The following FAM169A variants were observed in gnomAD, a reference collection of about 807,000 sequenced individuals.
FAM169A encodes soluble lamin-associated protein of 75 kDa.
FAM169A carries 24 observed loss-of-function variants against 75.7 expected under a neutral mutation model. The ratio of observed to expected loss-of-function variants is 0.32; its 90% confidence interval spans 0.23 to 0.45. The LOEUF (loss-of-function observed/expected upper bound fraction) is 0.45, where lower values mean the gene tolerates loss of function less well. Ranked by LOEUF, FAM169A falls within the 20% of genes least tolerant of loss-of-function variation. The pLI, the probability that FAM169A is intolerant of heterozygous loss-of-function variation, is 1.00. For missense variants in FAM169A, 673 were observed against 784.0 expected, an observed-to-expected ratio of 0.86 and a Z score of 1.69; for synonymous variants, 271 against 271.0, an observed-to-expected ratio of 1.00 and a Z score of 0.00.
intron 1 of FAM169A, among the ~76,000 whole-genome samples, chr5:74,856,558 C>T (rs1403418997): frequency 2.6e-5 from 4 of 151,822 alleles, no homozygotes; most frequent in Admixed American, 2.6e-4. Flanking sequence ...TAATGAGTTA[C>T]TCCAAAATAG....
At position 74,799,188 on chromosome 5, in the gene FAM169A, C is replaced by A; in HGVS notation, c.1103+1692G>T. On this transcript the variant is annotated intron_variant, in intron 10 of 12. Transcript: ENST00000687041. ...ATATTGACTGGGCTCCCAAGCATGA[C>A]CACATCGTCACTTGTGGGGCAGACC... 11 of 1,197,574 alleles carry A rather than the reference C, an allele frequency of 9.2e-6. No homozygotes were observed. In the Admixed American group the frequency reaches 1.8e-4, roughly 20 times the overall value. The allele number at this position is 1,197,574 out of a possible 1,614,324, so 74.2% of individuals were successfully genotyped here. A position where few individuals can be genotyped will look rare whatever the true frequency, so the allele number is the denominator to read the frequency against.
chr5:74,812,515 A>T (rs1278652572), intron 6 of FAM169A, among the ~76,000 whole-genome samples: 1 of 151,980 alleles, frequency 6.6e-6, no homozygotes, highest in Non-Finnish European at 1.5e-5. Flanking sequence ...CCTGGACTCA[A>T]GCAGTCCTCC....
intron 11 of FAM169A, among the ~76,000 whole-genome samples, chr5:74,788,947 C>T (rs866005152): frequency 7.9e-5 from 12 of 152,324 alleles, no homozygotes; most frequent in Middle Eastern, 3.4e-3. Context: ...GGTTTCATTG[C>T]TTGAGGAAAT....
At chr5:74,849,965 A>T (rs561500177) in intron 1 of FAM169A, among the ~76,000 whole-genome samples, 3 of 152,360 alleles carry the variant, frequency 2.0e-5, no homozygotes, top group East Asian at 3.9e-4. Flanking sequence ...TAAATTAGGT[A>T]ATAGAGCAGG....
chr5:74,846,750 A>G (rs1229468877), intron 1 of FAM169A, among the ~76,000 whole-genome samples: 1 of 152,082 alleles, frequency 6.6e-6, no homozygotes, highest in Non-Finnish European at 1.5e-5. Flanking sequence ...TTTTATAGAG[A>G]TGAGGTCTCC....
chr5:74,851,983 CAT>C (rs984497868), intron 1 of FAM169A, among the ~76,000 whole-genome samples: 1 of 152,096 alleles, frequency 6.6e-6, no homozygotes, highest in African/African-American at 2.4e-5. Flanking sequence ...ATATTTTTAA[CAT>C]AAAATATCAC....
intron 6 of FAM169A, among the ~76,000 whole-genome samples, chr5:74,810,631 T>C (rs1429663724): frequency 1.3e-5 from 2 of 150,634 alleles, no homozygotes; most frequent in East Asian, 4.0e-4. Context: ...GCACCTGTAG[T>C]CCCAGCTACT....
chr5:74,794,458 G>A (rs965904839), intron 11 of FAM169A, among the ~76,000 whole-genome samples: 5 of 150,668 alleles, frequency 3.3e-5, no homozygotes, highest in African/African-American at 1.2e-4. Flanking sequence ...CGGGTATGGT[G>A]GGTCATGCCT....
In FAM169A at chr5:74,779,164, CAAGAAT is replaced by C. The variant is rs1303691934; in HGVS notation, c.*2290_*2295del. The C allele has an allele frequency of 6.6e-6, 1 of 152,026 alleles. No individual in the cohort carries two copies. The highest frequency in any genetic ancestry group is 1.5e-5 in the Non-Finnish European group (1 of 67,954). The allele number at this position is 152,026 out of a possible 1,614,324, so 9.4% of individuals were successfully genotyped here. On this transcript the variant is annotated 3_prime_UTR_variant, in exon 13 of 13. Coordinates refer to ENST00000687041, the MANE Select transcript of FAM169A (RefSeq NM_001376049.1). ...TACTATTTAACCCAAACAAGTTTAA[CAAGAAT>C]AAGTTTATACTGTTAGCCCCCAATG...
chr5:74,796,279 C>A, intron 10 of FAM169A, 93 bp from the exon 11 acceptor site: 1 of 1,158,492 alleles, frequency 8.6e-7, no homozygotes, highest in South Asian at 1.6e-5. Flanking sequence ...TTTAGAGAAT[C>A]AACTATGTTG....
At chr5:74,805,976 C>CAAAAAAAA (rs370761667) in intron 6 of FAM169A, among the ~76,000 whole-genome samples, 7 of 85,240 alleles carry the variant, frequency 8.2e-5, no homozygotes, top group African/African-American at 1.3e-4. Flanking sequence ...TTAAAAGCTC[C>CAAAAAAAA]AAAAAAAAAA....
At chr5:74,855,927 A>G (rs1749683542) in intron 1 of FAM169A, among the ~76,000 whole-genome samples, 1 of 152,184 alleles carries the variant, frequency 6.6e-6, no homozygotes. Flanking sequence ...CTTAGATTTC[A>G]GTTTTTAATC....
At chr5:74,812,182 A>C (rs1430425357) in intron 6 of FAM169A, among the ~76,000 whole-genome samples, 2 of 152,132 alleles carry the variant, frequency 1.3e-5, no homozygotes, top group African/African-American at 2.4e-5. Context: ...GAAGTGCAGT[A>C]GTGCAATCTC....
intron 5 of FAM169A, among the ~76,000 whole-genome samples, chr5:74,817,390 T>G (rs1747525912): frequency 6.6e-6 from 1 of 152,066 alleles, no homozygotes; most frequent in African/African-American, 2.4e-5. Context: ...TCATTTGTAT[T>G]TCCACACATT....
chr5:74,841,467 T>C (rs1748857885), intron 2 of FAM169A, 78 bp downstream of exon 2: 21 of 1,153,538 alleles, frequency 1.8e-5, no homozygotes, highest in Non-Finnish European at 2.5e-5. Context: ...CTTAAAATGA[T>C]TTTTTTAAAA....
In FAM169A at chr5:74,798,023, C is replaced by T. The variant is rs995839619; in HGVS notation, c.1104-1837G>A. Among the ~76,000 whole-genome samples, 15 of 152,302 alleles carry T rather than the reference C, an allele frequency of 9.8e-5. No individual in the cohort carries two copies. In the East Asian group the frequency reaches 2.9e-3, roughly 29 times the overall value. ...TGGCCTACAGGCCATAGTTGGTGGACCTTTACACTAGAAAGTCTTCTCTCC... is the reference window on the plus strand; with the variant it reads ...TGGCCTACAGGCCATAGTTGGTGGATCTTTACACTAGAAAGTCTTCTCTCC... On this transcript the variant is annotated intron_variant, in intron 10 of 12. Transcript: ENST00000687041.
At chr5:74,862,996 C>T (rs1750117612) in intron 1 of FAM169A, among the ~76,000 whole-genome samples, 1 of 135,392 alleles carries the variant, frequency 7.4e-6, no homozygotes, top group African/African-American at 2.9e-5. Flanking sequence ...CTTATTGGAA[C>T]AGCTAGTAAC....
At chr5:74,811,559 G>A (rs577942689) in intron 6 of FAM169A, among the ~76,000 whole-genome samples, 5 of 152,184 alleles carry the variant, frequency 3.3e-5, no homozygotes, top group Admixed American at 2.6e-4. Context: ...TATTAAAGAA[G>A]GTGCAGAAGA....
intron 11 of FAM169A, among the ~76,000 whole-genome samples, chr5:74,790,475 G>A (rs1395315867): frequency 6.6e-6 from 1 of 152,236 alleles, no homozygotes; most frequent in African/African-American, 2.4e-5. Flanking sequence ...GAAAACTGGT[G>A]ACAAATTTGG....
Sources: allele counts gnomAD v4.1 joint callset (sites outside exome capture counted in the v4.1 genomes callset), GRCh38; gene constraint gnomAD v4.1.1; transcripts MANE v1.5; gene names NCBI Gene and HGNC (gene_info 2026-07-23, HGNC 2026-07-21).